ZNF423: variants seen among roughly 807,000 people sequenced by gnomAD.
ZNF423 encodes Ebf-associated zinc finger protein.
Under a neutral mutation model 95.8 loss-of-function variants are expected in ZNF423, and 12 were observed. The observed-to-expected ratio is 0.13, with a 90% CI of 0.08 to 0.20. ZNF423 has a LOEUF of 0.20. Ranked by LOEUF, ZNF423 falls within the 10% of genes least tolerant of loss-of-function variation. The pLI, the probability that ZNF423 is intolerant of heterozygous loss-of-function variation, is 1.00. For missense variants in ZNF423, 1,316 were observed against 1,737.1 expected (o/e 0.76, Z 4.31); for synonymous variants, 749 against 711.9 (o/e 1.05, Z -0.83).
intron 5 of ZNF423, among the ~76,000 whole-genome samples, chr16:49,532,031 G>A (rs189799190): frequency 1.3e-5 from 2 of 152,332 alleles, no homozygotes; most frequent in East Asian, 1.9e-4. Context: ...CTGCTGTCCC[G>A]AAGCTGGGTT....
chr16:49,793,971 A>G (rs751312392), intron 1 of ZNF423, among the ~76,000 whole-genome samples: 9 of 152,062 alleles, frequency 5.9e-5, no homozygotes, highest in Non-Finnish European at 1.3e-4. Context: ...AACCTTTGCA[A>G]AGGAAAGATC....
rs542964870 is a variant in ZNF423 at position 49,544,688 on chromosome 16, T to A, written c.3602-19194A>T. 2.0e-5 allele frequency among the ~76,000 whole-genome samples: 3 copies of A among 152,334 alleles called. No individual in the cohort carries two copies. In the South Asian group the frequency reaches 6.2e-4, roughly 32 times the overall value. On this transcript the variant is annotated intron_variant, in intron 5 of 7. Transcript: ENST00000563137. ...GAGAGGGCGTTCCAGGGGAGGGTGC[T>A]TGCAGGGGCTGAAGGCTTGGGAGGG...
chr16:49,560,615 G>A (rs1394783642), intron 5 of ZNF423, among the ~76,000 whole-genome samples: 1 of 152,152 alleles, frequency 6.6e-6, no homozygotes, highest in Non-Finnish European at 1.5e-5. Flanking sequence ...ATGTGGTGCC[G>A]GCTCTACCAT....
intron 1 of ZNF423, among the ~76,000 whole-genome samples, chr16:49,798,262 C>A (rs565086225): frequency 1.3e-5 from 2 of 152,212 alleles, no homozygotes; most frequent in Admixed American, 1.3e-4. Context: ...AATCCCAACA[C>A]TTATGGAGGC....
At chr16:49,561,860 C>A (rs1970027311) in intron 5 of ZNF423, among the ~76,000 whole-genome samples, 1 of 152,200 alleles carries the variant, frequency 6.6e-6, no homozygotes, top group Non-Finnish European at 1.5e-5. Context: ...GGATTGCGGT[C>A]GCCCTGCTCA....
chr16:49,694,187 T>C (rs1567294849), intron 3 of ZNF423, among the ~76,000 whole-genome samples: 1 of 151,894 alleles, frequency 6.6e-6, no homozygotes, highest in Non-Finnish European at 1.5e-5. Context: ...AGGAGGGAAG[T>C]AGGAAGGGGG....
At chr16:49,655,157 G>A (rs1443015034) in intron 3 of ZNF423, among the ~76,000 whole-genome samples, 1 of 152,116 alleles carries the variant, frequency 6.6e-6, no homozygotes, top group Non-Finnish European at 1.5e-5. Context: ...AAGCAATGGC[G>A]GGAGCCATGG....
At chr16:49,750,349 G>T (rs553785288) in intron 2 of ZNF423, among the ~76,000 whole-genome samples, 1 of 152,354 alleles carries the variant, frequency 6.6e-6, no homozygotes, top group Non-Finnish European at 1.5e-5. Flanking sequence ...CAAGTCAGGG[G>T]TTTCCAAGAA....
At chr16:49,546,343 C>G (rs1969438640) in intron 5 of ZNF423, among the ~76,000 whole-genome samples, 1 of 152,184 alleles carries the variant, frequency 6.6e-6, no homozygotes, top group South Asian at 2.1e-4. Context: ...CACTTCCAAA[C>G]AGTACAAACG....
At chr16:49,760,836 G>A (rs1045082118) in intron 2 of ZNF423, among the ~76,000 whole-genome samples, 4 of 149,140 alleles carry the variant, frequency 2.7e-5, no homozygotes, top group African/African-American at 7.5e-5. Flanking sequence ...CTTCTCCCCC[G>A]ACCATCTGCT....
chr16:49,645,246 C>T (rs561962798), intron 3 of ZNF423, among the ~76,000 whole-genome samples: 3 of 152,310 alleles, frequency 2.0e-5, no homozygotes, highest in Admixed American at 6.5e-5. Flanking sequence ...CACTGTGGCC[C>T]TTCCCTAAGC....
intron 5 of ZNF423, among the ~76,000 whole-genome samples, chr16:49,591,199 G>C (rs1023784214): frequency 6.6e-6 from 1 of 151,806 alleles, no homozygotes; most frequent in Non-Finnish European, 1.5e-5. Context: ...AATAGGATGA[G>C]CATTGTAACT....
chr16:49,495,616 G>C (rs915868802), intron 7 of ZNF423, among the ~76,000 whole-genome samples: 2 of 152,214 alleles, frequency 1.3e-5, no homozygotes, highest in African/African-American at 4.8e-5. Flanking sequence ...CCCAATCCAG[G>C]GTAATGTTTT....
chr16:49,522,529 C>A (rs2151703833), intron 7 of ZNF423, among the ~76,000 whole-genome samples: 1 of 152,160 alleles, frequency 6.6e-6, no homozygotes, highest in South Asian at 2.1e-4. Flanking sequence ...GACACAGAGA[C>A]CGAGAGGAGG....
At chr16:49,654,790 G>A (rs182195625) in intron 3 of ZNF423, among the ~76,000 whole-genome samples, 1 of 152,180 alleles carries the variant, frequency 6.6e-6, no homozygotes, top group Non-Finnish European at 1.5e-5. Context: ...AGGGAGAAAG[G>A]CTGTCTCTAA....
At chr16:49,759,569 A>T (rs942992162) in intron 2 of ZNF423, among the ~76,000 whole-genome samples, 1 of 152,216 alleles carries the variant, frequency 6.6e-6, no homozygotes, top group African/African-American at 2.4e-5. Flanking sequence ...CAGGAGCAGC[A>T]CATACTCATG....
At chr16:49,854,766 G>A (rs917298233) in intron 1 of ZNF423, 3 of 985,272 alleles carry the variant, frequency 3.0e-6, no homozygotes, top group Admixed American at 6.1e-5. Context: ...TACTCTCCAG[G>A]GGTCCCCTCG....
chr16:49,805,422 C>T (rs1172765824), intron 1 of ZNF423, among the ~76,000 whole-genome samples: 1 of 152,172 alleles, frequency 6.6e-6, no homozygotes, highest in Non-Finnish European at 1.5e-5. Context: ...AGGGGCTAAA[C>T]TAATTTTTTT....
chr16:49,505,445 G>A (rs1967592639), intron 7 of ZNF423, among the ~76,000 whole-genome samples: 1 of 152,166 alleles, frequency 6.6e-6, no homozygotes. Context: ...ACTAAGAACT[G>A]TTCTGGCGGA....
Sources: gnomAD v4.1 joint callset for allele counts (sites outside exome capture counted in the v4.1 genomes callset) on GRCh38, gnomAD v4.1.1 for gene constraint, MANE v1.5 for transcripts, NCBI Gene and HGNC (gene_info 2026-07-23, HGNC 2026-07-21) for gene names.